SLC6A5: variants seen among roughly 807,000 people sequenced by gnomAD.
SLC6A5 encodes solute carrier family 6 member 5.
SLC6A5 carries 58 observed loss-of-function variants against 90.5 expected under a neutral mutation model. That is an observed-to-expected ratio of 0.64 (90% confidence interval 0.52 to 0.80). SLC6A5 has a LOEUF of 0.80. SLC6A5 is among the 30% of genes least tolerant of loss of function. The probability of loss-of-function intolerance (pLI) is 0.00; values close to 1 mark genes in which losing one functional copy is unlikely to be tolerated. For synonymous variants in SLC6A5, 427 were observed against 401.4 expected (o/e 1.06, Z -0.76); for missense variants, 1,015 against 1,017.6 (o/e 1.00, Z 0.03).
At chr11:20,635,676 G>T (rs1245907747) in intron 10 of SLC6A5, among the ~76,000 whole-genome samples, 1 of 152,122 alleles carries the variant, frequency 6.6e-6, no homozygotes, top group East Asian at 1.9e-4. Context: ...AATAAAGGAA[G>T]AAATGATGTC....
At chr11:20,625,991 C>A (rs757886313) in intron 7 of SLC6A5, among the ~76,000 whole-genome samples, 21 of 152,212 alleles carry the variant, frequency 1.4e-4, no homozygotes, top group Non-Finnish European at 3.1e-4. Context: ...TAGTGCCCAG[C>A]TCATAGGAGG....
rs746011205 is a variant in SLC6A5, at chr11:20,638,595, T to C, written c.1969+37T>C. ...ACTGTGCCTGTTGCTGAAGTAGAGCTTGAGTGTCGGTAAGGCATTCATGGC... is the reference window on the plus strand; with the variant it reads ...ACTGTGCCTGTTGCTGAAGTAGAGCCTGAGTGTCGGTAAGGCATTCATGGC... On this transcript the variant is annotated intron_variant, in intron 13 of 15. Transcript: ENST00000525748. The C allele has an allele frequency of 1.3e-5, 16 of 1,279,298 alleles. No homozygotes were observed. In the Admixed American group the frequency reaches 1.7e-4, roughly 13 times the overall value. 79.2% of individuals were successfully genotyped at this position (1,279,298 alleles called of 1,614,324 possible).
intron 15 of SLC6A5, among the ~76,000 whole-genome samples, 186 bp downstream of exon 15, chr11:20,652,642 C>A (rs1480970374): frequency 6.6e-6 from 1 of 152,168 alleles, no homozygotes; most frequent in Non-Finnish European, 1.5e-5. Context: ...AATGGAGGGG[C>A]TCAGCCAGTC....
In SLC6A5 at chr11:20,617,849, G is replaced by A. The variant is rs1852811849; in HGVS notation, c.1225G>A (p.Ala409Thr). 1.9e-6 allele frequency: 3 copies of A among 1,613,900 alleles called. No homozygotes were observed. Among genetic ancestry groups the A allele is most frequent in the Non-Finnish European group, 2.5e-6 (3 of 1,179,808 alleles). Reference protein sequence around the residue: ...CLFLAWVIVYASLAKGIKTSG... With the variant: ...CLFLAWVIVYTSLAKGIKTSG... ...CTTCCTGGCTTGGGTCATTGTGTAT[G>A]CATCATTGGCTAAAGGAATCAAGAC... The change falls in exon 7 of 16, where the codon GCA (alanine) becomes ACA (threonine). Residue 409 changes from alanine (A) to threonine (T), a missense_variant. Physicochemically the swap from Ala to Thr is moderately conservative, Grantham distance 58. Around this residue, in one of 3 missense-constraint regions of SLC6A5, gnomAD observed 442 missense variants for 494.3 expected, o/e 0.89. Coordinates refer to ENST00000525748, the MANE Select transcript of SLC6A5 (RefSeq NM_004211.5).
intron 5 of SLC6A5, among the ~76,000 whole-genome samples, chr11:20,614,473 T>G (rs1042927525): frequency 1.3e-5 from 2 of 152,240 alleles, no homozygotes; most frequent in Admixed American, 6.5e-5. Flanking sequence ...GGTGCAGTTG[T>G]GGGGACTGGG....
At position 20,601,409 on chromosome 11, in the gene SLC6A5, G is replaced by C. The variant is rs779746122; in HGVS notation, c.284G>C (p.Arg95Pro). The C allele has an allele frequency of 2.5e-6, 4 of 1,605,316 alleles. No homozygotes were observed. Among genetic ancestry groups the C allele is most frequent in the Admixed American group, 3.4e-5 (2 of 58,844 alleles). Residue 95 changes from arginine to proline, a missense_variant, in exon 2 of 16, where the codon CGG becomes CCG. Transcript: ENST00000525748. ...PRAQAASAAL[R>P]DLREAQGAQA... is the part of the protein sequence containing the mutation. ...GCGCAGGCGGCCTCTGCAGCTCTGC[G>C]GGACTTGAGAGAGGCGCAAGGCGCG...
intron 1 of SLC6A5, among the ~76,000 whole-genome samples, chr11:20,600,468 A>G (rs1017388730): frequency 1.3e-5 from 2 of 152,184 alleles, no homozygotes; most frequent in Non-Finnish European, 2.9e-5. Context: ...GGGAATCTGG[A>G]AGTGAATACG....
intron 4 of SLC6A5, 49 bp downstream of exon 4, chr11:20,607,187 C>T (rs765574321): frequency 1.3e-6 from 2 of 1,569,748 alleles, no homozygotes; most frequent in Non-Finnish European, 1.7e-6. Flanking sequence ...CTTACTCTGT[C>T]CCCTCTGGCA....
At chr11:20,619,284 G>A (rs4923496) in intron 7 of SLC6A5, among the ~76,000 whole-genome samples, 107,375 of 152,118 alleles carry the variant, frequency 0.71, 37,943 homozygotes, top group South Asian at 0.78. Flanking sequence ...CATTAGGCAC[G>A]CAATCCCAGC....
chr11:20,633,999 G>A (rs1374544794), intron 10 of SLC6A5, among the ~76,000 whole-genome samples: 1 of 152,074 alleles, frequency 6.6e-6, no homozygotes, highest in Non-Finnish European at 1.5e-5. Flanking sequence ...AGCCTCCTGA[G>A]TAGCTGGGAC....
intron 5 of SLC6A5, among the ~76,000 whole-genome samples, chr11:20,608,103 C>T (rs1477424730): frequency 6.6e-6 from 1 of 152,184 alleles, no homozygotes; most frequent in Admixed American, 6.5e-5. Context: ...CTGCATGGTA[C>T]AATTTGAAAA....
At chr11:20,612,376 A>G (rs1852710862) in intron 5 of SLC6A5, among the ~76,000 whole-genome samples, 1 of 152,216 alleles carries the variant, frequency 6.6e-6, no homozygotes. Flanking sequence ...AACTATGACC[A>G]GAAAATGGAG....
intron 2 of SLC6A5, 74 bp from the exon 3 acceptor site, chr11:20,604,212 G>T (rs544686898): frequency 8.5e-6 from 13 of 1,528,700 alleles, no homozygotes; most frequent in East Asian, 6.9e-5. Context: ...ACCCCTAGCG[G>T]GGGGGAGGGT....
rs1283473048 is a variant in SLC6A5 at position 20,628,024 on chromosome 11, T to C, written c.1440T>C (p.Ala480=). ...CTCAGATTTTCTTCTCTTTATCTGCTGCATGGGGAGGCCTGATCACTCTCT... is the reference window on the plus strand; with the variant it reads ...CTCAGATTTTCTTCTCTTTATCTGCCGCATGGGGAGGCCTGATCACTCTCT... ...AATQIFFSLS[A]AWGGLITLSS... is the part of the protein sequence containing the mutation. Residue 480 remains alanine (A), a synonymous_variant, in exon 9 of 16, where the codon GCT becomes GCC. Transcript: ENST00000525748. The C allele has an allele frequency of 1.2e-6, 2 of 1,614,196 alleles. No homozygotes were observed. The highest frequency in any genetic ancestry group is 2.2e-5 in the South Asian group (2 of 91,080).
chr11:20,614,907 G>A (rs573781432), intron 6 of SLC6A5, 87 bp downstream of exon 6: 342 of 1,286,090 alleles, frequency 2.7e-4, no homozygotes, highest in Non-Finnish European at 3.7e-4. Context: ...AGAGGTGTGG[G>A]TAGCCCAAGG....
At position 20,607,533 on chromosome 11, in the gene SLC6A5, T is replaced by A; in HGVS notation, c.866T>A (p.Val289Glu). ...ISVLIAIYYN[V>E]IICYTLFYLF... is the part of the protein sequence containing the mutation. ...GTCCTAATAGCCATATACTACAATG[T>A]GATTATTTGCTATACACTTTTCTAC... The change falls in exon 5 of 16, where the codon GTG becomes GAG. Residue 289 changes from valine to glutamate, a missense_variant. Physicochemically the swap from Val to Glu is moderately radical, Grantham distance 121. Transcript: ENST00000525748. 1 of 1,614,178 alleles carries A rather than the reference T, an allele frequency of 6.2e-7. No individual in the cohort carries two copies. Among genetic ancestry groups the A allele is most frequent in the Non-Finnish European group, 8.5e-7 (1 of 1,180,008 alleles).
At position 20,626,688 on chromosome 11, in the gene SLC6A5, T is replaced by G; in HGVS notation, c.1261-20T>G. The G allele has an allele frequency of 6.2e-7, 1 of 1,613,758 alleles. No individual in the cohort carries two copies. On this transcript the variant is annotated intron_variant, in intron 7 of 15. Transcript: ENST00000525748. ...CTGCAGGGCTGCTTCTTCCAGCCCC[T>G]CTGCCCATGGCTTTTCTAGGTGGTG...
At chr11:20,630,599 A>T in intron 9 of SLC6A5, 92 bp from the exon 10 acceptor site, 1 of 1,451,404 alleles carries the variant, frequency 6.9e-7, no homozygotes, top group East Asian at 2.3e-5. Flanking sequence ...ATGTGCAGAC[A>T]AACATGTGGG....
intron 14 of SLC6A5, among the ~76,000 whole-genome samples, chr11:20,648,306 CT>C (rs1853461531): frequency 6.6e-6 from 1 of 152,182 alleles, no homozygotes; most frequent in Admixed American, 6.5e-5. Context: ...CTTTCCTTCC[CT>C]CCCTCTCTTC....
Sources: allele counts gnomAD v4.1 joint callset (sites outside exome capture counted in the v4.1 genomes callset), GRCh38; gene constraint gnomAD v4.1.1; regional missense constraint gnomAD v4.1.1; transcripts MANE v1.5; gene names NCBI Gene and HGNC (gene_info 2026-07-23, HGNC 2026-07-21).